HASPIN: variants seen among roughly 807,000 people sequenced by gnomAD.
The protein encoded by HASPIN is histone H3 associated protein kinase.
Under a neutral mutation model 28.8 loss-of-function variants are expected in HASPIN, and 24 were observed. The observed-to-expected ratio is 0.83, with a 90% CI of 0.60 to 1.17. The LOEUF is 1.17. HASPIN is among the 50% of genes most tolerant of loss of function. The probability of loss-of-function intolerance (pLI) is 0.00; values close to 1 mark genes in which losing one functional copy is unlikely to be tolerated. For synonymous variants in HASPIN, 440 were observed against 413.1 expected (o/e 1.07, Z -0.79); for missense variants, 1,016 against 1,018.5 (o/e 1.00, Z 0.03).
Position 3,724,644 on chromosome 17 carries a change from A to G in HASPIN, c.709A>G (p.Thr237Ala), listed in dbSNP as rs1271953759. 3 of 1,614,030 alleles carry G rather than the reference A, an allele frequency of 1.9e-6. No individual in the cohort carries two copies. Among genetic ancestry groups the G allele is most frequent in the Non-Finnish European group, 1.7e-6 (2 of 1,180,006 alleles). Residue 237 changes from threonine (T) to alanine (A), a missense_variant, in exon 1 of 1, where the codon ACC becomes GCC. This residue lies in a region of HASPIN where 881 missense variants were observed against 845.5 expected (regional missense o/e 1.04). Transcript: ENST00000325418. ...GAKDTRMVHQ[T>A]RASLRSVLFG... ...CAAGGACACCAGGATGGTCCACCAA[A>G]CCCGCGCCAGCCTCAGGTCAGTTCT...
rs770699831 is a variant in HASPIN, at chr17:3,724,631, G to A, written c.696G>A (p.Arg232=). ...CGACAGGAGGAGCCAAGGACACCAG[G>A]ATGGTCCACCAAACCCGCGCCAGCC... is the stretch of plus-strand genomic sequence containing the variant. ...EEATGGAKDT[R]MVHQTRASLR... Residue 232 remains arginine, a synonymous_variant, in exon 1 of 1, where the codon AGG becomes AGA. Transcript: ENST00000325418. 1 of 1,614,226 alleles carries A rather than the reference G, an allele frequency of 6.2e-7. No homozygotes were observed. Among genetic ancestry groups the A allele is most frequent in the Non-Finnish European group, 8.5e-7 (1 of 1,180,036 alleles).
Position 3,724,014 on chromosome 17 carries a change from C to T in HASPIN, c.79C>T (p.Pro27Ser). The T allele has an allele frequency of 1.3e-6, 2 of 1,591,892 alleles. No individual in the cohort carries two copies. The highest frequency in any genetic ancestry group is 2.3e-5 in the East Asian group (1 of 44,104). The change falls in exon 1 of 1, where the codon CCG becomes TCG. Residue 27 changes from proline (P) to serine (S), a missense_variant. Transcript: ENST00000325418. ...GAADGRRQRRPGREAAQWFPP... is the reference protein window; with the variant it reads ...GAADGRRQRRSGREAAQWFPP... Reference sequence around the variant, plus strand: ...TGCGGACGGCAGGAGACAGCGGCGGCCGGGCCGGGAAGCCGCGCAGTGGTT... The same window carrying T: ...TGCGGACGGCAGGAGACAGCGGCGGTCGGGCCGGGAAGCCGCGCAGTGGTT...
In HASPIN at chr17:3,723,968, G is replaced by C. The variant is rs2051133630; in HGVS notation, c.33G>C (p.Arg11=). Residue 11 remains arginine, a synonymous_variant, in exon 1 of 1, where the codon CGG becomes CGC. Coordinates refer to ENST00000325418, the MANE Select transcript of HASPIN (RefSeq NM_031965.2). MAASLPGPGS[R]LFRTYGAADG... ...CTTCGCTCCCGGGACCTGGGAGCCG[G>C]CTTTTCCGCACATATGGGGCTGCGG... 3 of 1,574,462 alleles carry C rather than the reference G, an allele frequency of 1.9e-6. No homozygotes were observed. In the South Asian group the frequency reaches 3.4e-5, roughly 18 times the overall value.
In HASPIN at chr17:3,726,318, A is replaced by G. The variant is rs1308725910; in HGVS notation, c.2383A>G (p.Ser795Gly). Residue 795 changes from serine (S) to glycine (G), a missense_variant, in exon 1 of 1, where the codon AGT (serine) becomes GGT (glycine). Physicochemically the swap from Ser to Gly is moderately conservative, Grantham distance 56. Coordinates refer to ENST00000325418, the MANE Select transcript of HASPIN (RefSeq NM_031965.2). The stretch of plus-strand genomic sequence containing the variant: ...TGCCACTGACTTGCTCTGCCAGCAC[A>G]GTCTGTTTAAGTAAGCTAAATGTAT... Reference protein sequence around the residue: ...SSATDLLCQHSLFK With the variant: ...SSATDLLCQHGLFK 4 of 1,609,720 alleles carry G rather than the reference A, an allele frequency of 2.5e-6. No homozygotes were observed. Among genetic ancestry groups the G allele is most frequent in the African/African-American group, 2.7e-5 (2 of 74,742 alleles).
chr17:3,724,077 G>C lies in HASPIN; in HGVS notation c.142G>C (p.Gly48Arg). The C allele has an allele frequency of 6.3e-7, 1 of 1,596,440 alleles. No homozygotes were observed. Among genetic ancestry groups the C allele is most frequent in the Non-Finnish European group, 8.5e-7 (1 of 1,177,810 alleles). The change falls in exon 1 of 1, where the codon GGC becomes CGC. Residue 48 changes from glycine to arginine, a missense_variant. Transcript: ENST00000325418. ...QDRRRFFNSS[G>R]SSDASIGDPS... ...CCGGAGGCGTTTCTTCAACAGCAGC[G>C]GCAGCAGCGACGCCAGCATCGGCGA...
rs911874933 is a variant in HASPIN at position 3,724,879 on chromosome 17, A to C, written c.944A>C (p.Glu315Ala). ...GAGGCCGTCCGGAGAGAGCATCAGGAGGCCAGTGTTCCCAAGGGCCGCATT... is the reference window on the plus strand; with the variant it reads ...GAGGCCGTCCGGAGAGAGCATCAGGCGGCCAGTGTTCCCAAGGGCCGCATT... ...LQEAVRREHQ[E>A]ASVPKGRIVP... Residue 315 changes from glutamate (E) to alanine (A), a missense_variant, in exon 1 of 1, where the codon GAG becomes GCG. Physicochemically the swap from Glu to Ala is moderately radical, Grantham distance 107 (BLOSUM62 -1). Coordinates refer to ENST00000325418, the MANE Select transcript of HASPIN (RefSeq NM_031965.2). 6.2e-7 allele frequency: 1 copy of C among 1,613,838 alleles called. No individual in the cohort carries two copies. The highest frequency in any genetic ancestry group is 8.5e-7 in the Non-Finnish European group (1 of 1,180,036).
In HASPIN at chr17:3,725,339, T is replaced by C; in HGVS notation, c.1404T>C (p.Ser468=). 2 of 1,614,224 alleles carry C rather than the reference T, an allele frequency of 1.2e-6. No individual in the cohort carries two copies. Among genetic ancestry groups the C allele is most frequent in the Non-Finnish European group, 1.7e-6 (2 of 1,180,032 alleles). The stretch of plus-strand genomic sequence containing the variant: ...CTGAAAAGGTTTATGGGGAATGCAG[T>C]CAGAAGGGTCCTGTCCCCTTTAGCC... ...SDAEKVYGEC[S]QKGPVPFSHC... Residue 468 remains serine (S), a synonymous_variant, in exon 1 of 1, where the codon AGT becomes AGC. Transcript: ENST00000325418.
chr17:3,726,641 A>G lies in HASPIN; in HGVS notation c.*309A>G. 3.4e-6 allele frequency: 1 copy of G among 295,532 alleles called. No homozygotes were observed. The highest frequency in any genetic ancestry group is 6.2e-6 in the Non-Finnish European group (1 of 160,762). 18.3% of individuals were successfully genotyped at this position (295,532 alleles called of 1,614,324 possible). ...CCAAGAGTTCATATCTAGCCTGGTC[A>G]ACATAGCAAGACCCCTGTCTCTATT... On this transcript the variant is annotated 3_prime_UTR_variant, in exon 1 of 1. Coordinates refer to ENST00000325418, the MANE Select transcript of HASPIN (RefSeq NM_031965.2).
At position 3,725,061 on chromosome 17, in the gene HASPIN, C is replaced by T; in HGVS notation, c.1126C>T (p.Gln376Ter). The change falls in exon 1 of 1, where the codon CAG becomes TAG. Residue 376 changes from glutamine to a stop codon, truncating the protein, a stop_gained. Transcript: ENST00000325418. LOFTEE classifies it high-confidence loss of function. ...CCCCACCCAGGACCTGACTCCTTTA[C>T]AGAATGTCTGCTTTTGGACCAAAAC... Reference protein sequence around the residue: ...SFPTQDLTPLQNVCFWTKTRA... With the variant: ...SFPTQDLTPL 1 of 1,614,234 alleles carries T rather than the reference C, an allele frequency of 6.2e-7. No individual in the cohort carries two copies. Among genetic ancestry groups the T allele is most frequent in the Non-Finnish European group, 8.5e-7 (1 of 1,180,044 alleles).
At position 3,726,687 on chromosome 17, in the gene HASPIN, A is replaced by C; in HGVS notation, c.*355A>C. ...CTATTTTTTTAAATAAATAAACTACATGTGAAAACAAACGTTTATATTTAT... is the reference window on the plus strand; with the variant it reads ...CTATTTTTTTAAATAAATAAACTACCTGTGAAAACAAACGTTTATATTTAT... On this transcript the variant is annotated 3_prime_UTR_variant, in exon 1 of 1. Transcript: ENST00000325418. 2 of 185,048 alleles carry C rather than the reference A, an allele frequency of 1.1e-5. No homozygotes were observed. The highest frequency in any genetic ancestry group is 2.2e-5 in the Non-Finnish European group (2 of 90,276). 11.5% of individuals were successfully genotyped at this position (185,048 alleles called of 1,614,324 possible).
In HASPIN at chr17:3,724,379, G is replaced by C. The variant is rs2051154858; in HGVS notation, c.444G>C (p.Pro148=). The C allele has an allele frequency of 1.2e-6, 2 of 1,608,304 alleles. No individual in the cohort carries two copies. ...GCCGCGACTCCGGCCGCCTCAGCCCGGACCTCAGCGTGTGCGGCCAGCCCA... is the reference window on the plus strand; with the variant it reads ...GCCGCGACTCCGGCCGCCTCAGCCCCGACCTCAGCGTGTGCGGCCAGCCCA... The part of the protein sequence containing the change: ...FPSRDSGRLS[P]DLSVCGQPRD... Residue 148 remains proline (P), a synonymous_variant, in exon 1 of 1, where the codon CCG becomes CCC. Coordinates refer to ENST00000325418, the MANE Select transcript of HASPIN (RefSeq NM_031965.2).
rs1246120928 is a variant in HASPIN, at chr17:3,723,987, G to A, written c.52G>A (p.Ala18Thr). The A allele has an allele frequency of 6.3e-7, 1 of 1,594,176 alleles. No individual in the cohort carries two copies. Among genetic ancestry groups the A allele is most frequent in the East Asian group, 2.3e-5 (1 of 44,102 alleles). ...GAGCCGGCTTTTCCGCACATATGGG[G>A]CTGCGGACGGCAGGAGACAGCGGCG... Reference protein sequence around the residue: ...PGSRLFRTYGAADGRRQRRPG... With the variant: ...PGSRLFRTYGTADGRRQRRPG... The change falls in exon 1 of 1, where the codon GCT (alanine) becomes ACT (threonine). Residue 18 changes from alanine to threonine, a missense_variant. Ala to Thr is a moderately conservative substitution (Grantham distance 58, BLOSUM62 0). Transcript: ENST00000325418.
In HASPIN at chr17:3,726,623, T is replaced by A. The variant is rs1371228467; in HGVS notation, c.*291T>A. 1.1e-5 allele frequency: 4 copies of A among 376,862 alleles called. No homozygotes were observed. The Admixed American group carries it at 1.7e-4, about 16-fold the overall frequency. The allele number at this position is 376,862 out of a possible 1,614,324, so 23.3% of individuals were successfully genotyped here. On this transcript the variant is annotated 3_prime_UTR_variant, in exon 1 of 1. Transcript: ENST00000325418. ...CAGGAGGATCGCTTGAGCCCAAGAG[T>A]TCATATCTAGCCTGGTCAACATAGC...
Position 3,725,674 on chromosome 17 carries a change from A to G in HASPIN, c.1739A>G (p.Tyr580Cys), listed in dbSNP as rs764401044. 3.1e-6 allele frequency: 5 copies of G among 1,589,906 alleles called. No individual in the cohort carries two copies. The highest frequency in any genetic ancestry group is 1.4e-5 in the African/African-American group (1 of 74,028). The part of the protein sequence containing the change: ...PPLLLKAWDH[Y>C]NSTKGSANDR... The stretch of plus-strand genomic sequence containing the variant: ...TTGCTCCTCAAAGCCTGGGATCACT[A>G]TAATTCAACCAAAGGCTCTGCAAAT... The change falls in exon 1 of 1, where the codon TAT becomes TGT. Residue 580 changes from tyrosine (Y) to cysteine (C), a missense_variant. Coordinates refer to ENST00000325418, the MANE Select transcript of HASPIN (RefSeq NM_031965.2).
rs1022981558 is a variant in HASPIN, at chr17:3,724,370, C to T, written c.435C>T (p.Arg145=). 1 of 1,606,186 alleles carries T rather than the reference C, an allele frequency of 6.2e-7. No homozygotes were observed. Among genetic ancestry groups the T allele is most frequent in the Non-Finnish European group, 8.5e-7 (1 of 1,178,222 alleles). ...CCTTCCCCAGCCGCGACTCCGGCCG[C>T]CTCAGCCCGGACCTCAGCGTGTGCG... The part of the protein sequence containing the change: ...LPPFPSRDSG[R]LSPDLSVCGQ... Residue 145 remains arginine, a synonymous_variant, in exon 1 of 1, where the codon CGC becomes CGT. Transcript: ENST00000325418.
chr17:3,725,472 A>G lies in HASPIN; in HGVS notation c.1537A>G (p.Ile513Val). 2.5e-6 allele frequency: 4 copies of G among 1,614,218 alleles called. No homozygotes were observed. The change falls in exon 1 of 1, where the codon ATT (isoleucine) becomes GTT (valine). Residue 513 changes from isoleucine to valine, a missense_variant. This residue lies in a region of HASPIN where 881 missense variants were observed against 845.5 expected (regional missense o/e 1.04). Coordinates refer to ENST00000325418, the MANE Select transcript of HASPIN (RefSeq NM_031965.2). ...ADHTPVAIKI[I>V]AIEGPDLVNG... The stretch of plus-strand genomic sequence containing the variant: ...TCACACACCCGTAGCCATAAAAATC[A>G]TTGCTATTGAAGGACCAGATTTAGT...
chr17:3,724,556 C>A lies in HASPIN; in HGVS notation c.621C>A (p.Leu207=), dbSNP rs1338822925. 2 of 1,614,144 alleles carry A rather than the reference C, an allele frequency of 1.2e-6. No homozygotes were observed. Among genetic ancestry groups the A allele is most frequent in the Middle Eastern group, 1.6e-4 (1 of 6,062 alleles). ...AASAVPSGLH[L]PEVSLDRASL... is the part of the protein sequence containing the mutation. ...CAGCCGTCCCGAGCGGCCTCCACCT[C>A]CCAGAAGTCTCCCTGGACCGAGCAT... Residue 207 remains leucine (L), a synonymous_variant, in exon 1 of 1, where the codon CTC becomes CTA. Transcript: ENST00000325418.
chr17:3,726,263 G>T lies in HASPIN; in HGVS notation c.2328G>T (p.Glu776Asp). 6.2e-7 allele frequency: 1 copy of T among 1,614,160 alleles called. No homozygotes were observed. The highest frequency in any genetic ancestry group is 8.5e-7 in the Non-Finnish European group (1 of 1,180,008). Reference sequence around the variant, plus strand: ...AGCAAATTAAGAGAAAAATCCAGGAGTTCCACAGGACAATGCTGAACTTCA... The same window carrying T: ...AGCAAATTAAGAGAAAAATCCAGGATTTCCACAGGACAATGCTGAACTTCA... ...AMKQIKRKIQ[E>D]FHRTMLNFSS... Residue 776 changes from glutamate (E) to aspartate (D), a missense_variant, in exon 1 of 1, where the codon GAG becomes GAT. Glu to Asp is a conservative substitution (Grantham distance 45, BLOSUM62 2). Transcript: ENST00000325418.
rs573653742 is a variant in HASPIN, at chr17:3,724,445, C to G, written c.510C>G (p.Ser170Arg). Residue 170 changes from serine (S) to arginine (R), a missense_variant, in exon 1 of 1, where the codon AGC becomes AGG. Coordinates refer to ENST00000325418, the MANE Select transcript of HASPIN (RefSeq NM_031965.2). ...TGGGCATCAGTGCCTCCCTGTTCAG[C>G]TCTCTGGCCTCGCCCTGCCCCGGGT... ...DELGISASLF[S>R]SLASPCPGSP... 3 of 1,613,656 alleles carry G rather than the reference C, an allele frequency of 1.9e-6. No homozygotes were observed. The highest frequency in any genetic ancestry group is 2.2e-5 in the South Asian group (2 of 91,080).
Sources: allele counts gnomAD v4.1 joint callset, GRCh38; gene constraint gnomAD v4.1.1; regional missense constraint gnomAD v4.1.1; transcripts MANE v1.5; gene names NCBI Gene and HGNC (gene_info 2026-07-23, HGNC 2026-07-21).